The following WDR90 variants were observed in gnomAD, a reference collection of about 807,000 sequenced individuals.
WDR90 encodes WD repeat-containing protein 90.
WDR90 carries 238 observed loss-of-function variants against 195.2 expected under a neutral mutation model. That is an observed-to-expected ratio of 1.22 (90% CI 1.10 to 1.36). The LOEUF (loss-of-function observed/expected upper bound fraction) is 1.36. WDR90 is among the 40% of genes most tolerant of loss of function. The probability of loss-of-function intolerance (pLI) is 0.00; values close to 1 mark genes in which losing one functional copy is unlikely to be tolerated. For synonymous variants in WDR90, 1,265 were observed against 1,052.4 expected (o/e 1.20, Z -3.91); for missense variants, 2,734 against 2,439.5 (o/e 1.12, Z -2.54).
At position 662,220 on chromosome 16, in the gene WDR90, G is replaced by A; in HGVS notation, c.4034G>A (p.Gly1345Glu). ...LSWEADDGGI[G>E]LLLFSGSRLV... Reference sequence around the variant, plus strand: ...CCCTTATGGCTCCTCCTGCCCCTAGGGCTGTTGCTGTTCTCGGGTTCTCGA... The same window carrying A: ...CCCTTATGGCTCCTCCTGCCCCTAGAGCTGTTGCTGTTCTCGGGTTCTCGA... The change falls in exon 33 of 41, where the codon GGG (glycine) becomes GAG (glutamate). Residue 1345 changes from glycine (G) to glutamate (E), a missense_variant and splice_region_variant. Transcript: ENST00000293879. The A allele has an allele frequency of 6.4e-7, 1 of 1,562,924 alleles. No individual in the cohort carries two copies.
At chr16:662,906 C>G in intron 34 of WDR90, 62 bp downstream of exon 34, 2 of 1,530,848 alleles carry the variant, frequency 1.3e-6, no homozygotes, top group Non-Finnish European at 1.8e-6. Context: ...CCCTGCCTGC[C>G]GGCTCCATCT....
At chr16:657,496 G>A in intron 20 of WDR90, 2 of 701,850 alleles carry the variant, frequency 2.8e-6, no homozygotes, top group Non-Finnish European at 4.6e-6. Context: ...ACCCAGGCAT[G>A]GGCACCTGCC....
chr16:661,015 C>CCCCCG, intron 28 of WDR90, 36 bp from the exon 29 acceptor site: 1 of 478,990 alleles, frequency 2.1e-6, no homozygotes, highest in Non-Finnish European at 2.5e-6. Context: ...CCCCCCCCCC[C>CCCCCG]GGCCCGGCCT....
At position 649,408 on chromosome 16, in the gene WDR90, G is replaced by A. The variant is rs1052450209; in HGVS notation, c.-9G>A. ...GGAGGCCTAGGCGGGAAGCTCGAGC[G>A]GCGGCGCCATGGCCCGAGGTAGCGC... On this transcript the variant is annotated 5_prime_UTR_variant, in exon 1 of 41. Transcript: ENST00000293879. 2.1e-5 allele frequency: 27 copies of A among 1,315,224 alleles called. No homozygotes were observed. Among genetic ancestry groups the A allele is most frequent in the Non-Finnish European group, 2.6e-5 (27 of 1,035,198 alleles). The allele number at this position is 1,315,224 out of a possible 1,614,324, so 81.5% of individuals were successfully genotyped here.
chr16:651,861 C>G lies in WDR90; in HGVS notation c.875C>G (p.Pro292Arg). ...GCCGCCTTGGCACCCAGGCCCTTCC[C>G]GGAGGTCAGCCTGTCCCAAGAGCGC... Reference protein sequence around the residue: ...GRAALAPRPFPEVSLSQERSD... With the variant: ...GRAALAPRPFREVSLSQERSD... Residue 292 changes from proline (P) to arginine (R), a missense_variant, in exon 9 of 41, where the codon CCG becomes CGG. Coordinates refer to ENST00000293879, the MANE Select transcript of WDR90 (RefSeq NM_145294.5). 6.2e-7 allele frequency: 1 copy of G among 1,610,366 alleles called. No individual in the cohort carries two copies. Among genetic ancestry groups the G allele is most frequent in the Non-Finnish European group, 8.5e-7 (1 of 1,179,846 alleles).
chr16:655,852 C>T lies in WDR90; in HGVS notation c.1929C>T (p.Leu643=), dbSNP rs1244639376. Residue 643 remains leucine, a synonymous_variant, in exon 17 of 41, where the codon CTC becomes CTT. Coordinates refer to ENST00000293879, the MANE Select transcript of WDR90 (RefSeq NM_145294.5). The part of the protein sequence containing the change: ...AVGSEDGFLR[L]WPLDFSSVLL... Reference sequence around the variant, plus strand: ...GCTCTGAGGACGGCTTCTTGCGGCTCTGGCCCCTGGACTTCTCCTCGGTGC... The same window carrying T: ...GCTCTGAGGACGGCTTCTTGCGGCTTTGGCCCCTGGACTTCTCCTCGGTGC... 1 of 1,598,722 alleles carries T rather than the reference C, an allele frequency of 6.3e-7. No individual in the cohort carries two copies. The highest frequency in any genetic ancestry group is 1.7e-5 in the Admixed American group (1 of 57,868).
Position 650,238 on chromosome 16 carries a change from T to G in WDR90, c.280-16T>G. 2.5e-6 allele frequency: 4 copies of G among 1,612,504 alleles called. No individual in the cohort carries two copies. The highest frequency in any genetic ancestry group is 3.4e-6 in the Non-Finnish European group (4 of 1,179,622). ...TGCGGCCCCTGTCTCCTCACGGCCC[T>G]GCTCCGTCCCCACAGGACAACCAAG... On this transcript the variant is annotated splice_polypyrimidine_tract_variant and intron_variant, in intron 3 of 40. Coordinates refer to ENST00000293879, the MANE Select transcript of WDR90 (RefSeq NM_145294.5).
In WDR90 at chr16:651,064, C is replaced by G; in HGVS notation, c.629C>G (p.Pro210Arg). The change falls in exon 6 of 41, where the codon CCC becomes CGC. Residue 210 changes from proline to arginine, a missense_variant. Pro to Arg is a moderately radical substitution (Grantham distance 103). Transcript: ENST00000293879. The part of the protein sequence containing the change: ...PMPREMAFPV[P>R]KGESWHDRYI... ...CCTCGGGAAATGGCATTCCCTGTGC[C>G]CAAGGGAGAGAGCTGGCATGACCGC... 6.2e-7 allele frequency: 1 copy of G among 1,613,582 alleles called. No individual in the cohort carries two copies.
chr16:659,067 C>G lies in WDR90; in HGVS notation c.3012-19C>G, dbSNP rs1389752620. On this transcript the variant is annotated intron_variant, in intron 24 of 40. Coordinates refer to ENST00000293879, the MANE Select transcript of WDR90 (RefSeq NM_145294.5). ...AGGCCCCCCAGGCCCTCCTGAAACCCTCTCTCCTCCCTCTCCAGCGACCAA... is the reference window on the plus strand; with the variant it reads ...AGGCCCCCCAGGCCCTCCTGAAACCGTCTCTCCTCCCTCTCCAGCGACCAA... 2 of 1,613,120 alleles carry G rather than the reference C, an allele frequency of 1.2e-6. No individual in the cohort carries two copies. The highest frequency in any genetic ancestry group is 1.7e-6 in the Non-Finnish European group (2 of 1,179,954).
chr16:664,991 T>C (rs2037992979), intron 34 of WDR90: 1 of 153,140 alleles, frequency 6.5e-6, no homozygotes, highest in African/African-American at 2.4e-5. Flanking sequence ...ACTGATTTTT[T>C]TTTAATGAAG....
At position 661,609 on chromosome 16, in the gene WDR90, G is replaced by A; in HGVS notation, c.3686G>A (p.Gly1229Asp). The A allele has an allele frequency of 1.3e-6, 2 of 1,592,134 alleles. No homozygotes were observed. The highest frequency in any genetic ancestry group is 1.7e-6 in the Non-Finnish European group (2 of 1,167,750). ...RLLVTLGDHD[G>D]RTLALWGTAT... Reference sequence around the variant, plus strand: ...GTGTCCTTCCCAGGGGACCACGATGGCCGCACCCTCGCCCTGTGGGGCACG... The same window carrying A: ...GTGTCCTTCCCAGGGGACCACGATGACCGCACCCTCGCCCTGTGGGGCACG... The change falls in exon 31 of 41, where the codon GGC becomes GAC. Residue 1229 changes from glycine (G) to aspartate (D), a missense_variant. Gly to Asp is a moderately conservative substitution (Grantham distance 94). Transcript: ENST00000293879.
intron 28 of WDR90, 29 bp downstream of exon 28, chr16:660,743 C>T (rs774736248): frequency 4.6e-6 from 7 of 1,531,090 alleles, no homozygotes; most frequent in South Asian, 1.2e-5. Flanking sequence ...CCCCCACCCC[C>T]AGCCAAGATG....
chr16:657,462 C>A (rs1442769365), intron 20 of WDR90: 10 of 747,560 alleles, frequency 1.3e-5, no homozygotes, highest in Non-Finnish European at 2.1e-5. Flanking sequence ...GCAGCCCAAG[C>A]TCCAGGTCAG....
Position 662,294 on chromosome 16 carries a change from G to A in WDR90, c.4108G>A (p.Ala1370Thr), listed in dbSNP as rs866751286. The change falls in exon 33 of 41, where the codon GCT becomes ACT. Residue 1370 changes from alanine (A) to threonine (T), a missense_variant. Coordinates refer to ENST00000293879, the MANE Select transcript of WDR90 (RefSeq NM_145294.5). ...GCGGCTGCGCCTGTGGGCCGTGGGGGCTGTGTCGGAGCTGAGGTGCAAGGG... is the reference window on the plus strand; with the variant it reads ...GCGGCTGCGCCTGTGGGCCGTGGGGACTGTGTCGGAGCTGAGGTGCAAGGG... ...TGRLRLWAVG[A>T]VSELRCKGSG... 6.3e-7 allele frequency: 1 copy of A among 1,579,780 alleles called. No homozygotes were observed. The highest frequency in any genetic ancestry group is 1.7e-4 in the Middle Eastern group (1 of 5,878).
intron 34 of WDR90, among the ~76,000 whole-genome samples, chr16:664,538 G>A (rs2151372459): frequency 6.6e-6 from 1 of 152,256 alleles, no homozygotes. Flanking sequence ...AGGAATTCTG[G>A]GCCCCGCCTG....
Position 660,598 on chromosome 16 carries a change from C to A in WDR90, c.3289-14C>A. The A allele has an allele frequency of 6.4e-7, 1 of 1,556,650 alleles. No individual in the cohort carries two copies. Among genetic ancestry groups the A allele is most frequent in the South Asian group, 1.2e-5 (1 of 84,512 alleles). On this transcript the variant is annotated splice_polypyrimidine_tract_variant and intron_variant, in intron 27 of 40. Transcript: ENST00000293879. ...TGCTGGGCCCCAGCAGCATCCGGGT[C>A]TCCTTCCTCGCAGGGCACTTGCCCG...
intron 20 of WDR90, 56 bp downstream of exon 20, chr16:657,277 C>T: frequency 6.7e-7 from 1 of 1,484,018 alleles, no homozygotes; most frequent in Non-Finnish European, 9.0e-7. Flanking sequence ...AGGCCTGGAT[C>T]TGGTGCAGGC....
intron 33 of WDR90, 80 bp from the exon 34 acceptor site, chr16:662,599 C>T (rs1470175841): frequency 1.6e-5 from 24 of 1,500,474 alleles, no homozygotes; most frequent in Non-Finnish European, 2.0e-5. Flanking sequence ...GAGGGCCCTG[C>T]CTCGGCTGGG....
intron 10 of WDR90, among the ~76,000 whole-genome samples, 184 bp downstream of exon 10, chr16:652,719 C>T (rs935103396): frequency 7.9e-5 from 12 of 152,352 alleles, no homozygotes; most frequent in African/African-American, 2.2e-4. Flanking sequence ...GCATCTGCCC[C>T]GCCCACAGCT....
Sources: gnomAD v4.1 joint callset for allele counts (sites outside exome capture counted in the v4.1 genomes callset) on GRCh38, gnomAD v4.1.1 for gene constraint, MANE v1.5 for transcripts, NCBI Gene and HGNC (gene_info 2026-07-23, HGNC 2026-07-21) for gene names.